The following RYR3 variants were observed in gnomAD, a reference collection of about 807,000 sequenced individuals.
RYR3 encodes the protein brain ryanodine receptor-calcium release channel.
A neutral mutation model predicts 584.3 loss-of-function variants in RYR3; 207 were observed. The ratio of observed to expected loss-of-function variants is 0.35; its 90% confidence interval spans 0.32 to 0.40. The LOEUF is 0.40. RYR3 is among the 10% of genes least tolerant of loss of function. The pLI is 1.00. For missense variants in RYR3, 5,616 were observed against 6,089.2 expected, an observed-to-expected ratio of 0.92 and a Z score of 2.59; for synonymous variants, 2,416 against 2,248.5, an observed-to-expected ratio of 1.07 and a Z score of -2.11.
intron 67 of RYR3, 129 bp downstream of exon 67, chr15:33,788,587 C>G (rs542463523): frequency 2.0e-6 from 2 of 1,009,446 alleles, no homozygotes; most frequent in African/African-American, 3.4e-5. Flanking sequence ...CCCCACCATT[C>G]TCCTTCCCAA....
intron 1 of RYR3, among the ~76,000 whole-genome samples, chr15:33,374,004 C>T (rs1375089626): frequency 2.0e-5 from 3 of 152,092 alleles, no homozygotes; most frequent in African/African-American, 7.2e-5. Context: ...AAATCCCTTC[C>T]TCACAGTGCC....
At chr15:33,374,834 C>T (rs1358027148) in intron 1 of RYR3, among the ~76,000 whole-genome samples, 1 of 152,214 alleles carries the variant, frequency 6.6e-6, no homozygotes, top group Non-Finnish European at 1.5e-5. Flanking sequence ...CTGTATTCAG[C>T]TGCTCCATGG....
chr15:33,708,457 C>T (rs1322210399), intron 43 of RYR3, among the ~76,000 whole-genome samples: 2 of 152,180 alleles, frequency 1.3e-5, no homozygotes, highest in African/African-American at 4.8e-5. Context: ...TAAATTCTAA[C>T]ACTTGCTTTT....
At chr15:33,589,715 G>T (rs2059030134) in intron 16 of RYR3, among the ~76,000 whole-genome samples, 1 of 152,190 alleles carries the variant, frequency 6.6e-6, no homozygotes, top group East Asian at 1.9e-4. Context: ...TTGTTGAAAA[G>T]GGTGTCCTTT....
At chr15:33,842,102 C>T in intron 91 of RYR3, 67 bp downstream of exon 91, 1 of 1,506,964 alleles carries the variant, frequency 6.6e-7, no homozygotes, top group Non-Finnish European at 9.0e-7. Flanking sequence ...CAGAGAGGTG[C>T]CGCTGATTTG....
intron 48 of RYR3, among the ~76,000 whole-genome samples, chr15:33,734,337 A>G (rs1222477171): frequency 6.6e-6 from 1 of 152,236 alleles, no homozygotes; most frequent in African/African-American, 2.4e-5. Context: ...TAAGGTACCT[A>G]GGTTTTGCAC....
intron 69 of RYR3, among the ~76,000 whole-genome samples, chr15:33,802,986 G>T (rs749000783): frequency 6.6e-6 from 1 of 152,178 alleles, no homozygotes; most frequent in Non-Finnish European, 1.5e-5. Context: ...TGGGATGGAG[G>T]TCTCATATAT....
At chr15:33,452,734 T>C (rs1292876333) in intron 1 of RYR3, among the ~76,000 whole-genome samples, 2 of 152,126 alleles carry the variant, frequency 1.3e-5, no homozygotes, top group Non-Finnish European at 2.9e-5. Flanking sequence ...AAAAGTTACA[T>C]GGTGAGGTTC....
intron 1 of RYR3, among the ~76,000 whole-genome samples, chr15:33,411,397 C>A (rs943046612): frequency 1.3e-5 from 2 of 152,170 alleles, no homozygotes; most frequent in African/African-American, 4.8e-5. Context: ...TCTGTCACTG[C>A]AAATATTGAA....
chr15:33,857,683 C>T, intron 98 of RYR3, 97 bp from the exon 99 acceptor site: 1 of 1,490,376 alleles, frequency 6.7e-7, no homozygotes, highest in Non-Finnish European at 9.2e-7. Context: ...CCTTGCCCGT[C>T]CTCACTCTTC....
rs371105087 is a variant in RYR3, at chr15:33,788,462, C to T, written c.9830+4C>T. 1.6e-5 allele frequency: 25 copies of T among 1,612,448 alleles called. 1 individual carries two copies. In the East Asian group the frequency reaches 1.6e-4, roughly 10 times the overall value. ...TCCGCTACGTGGACAACAACAGGTA[C>T]GGAGGAGAGCACTAGGAGCCTGTCT... On this transcript the variant is annotated splice_donor_region_variant and intron_variant, in intron 67 of 103. Coordinates refer to ENST00000634891, the MANE Select transcript of RYR3 (RefSeq NM_001036.6).
chr15:33,850,709 A>G (rs2079043005), intron 94 of RYR3: 1 of 152,190 alleles, frequency 6.6e-6, no homozygotes, highest in Non-Finnish European at 1.5e-5. Context: ...TATAAAATGT[A>G]TATGTACATT....
At chr15:33,333,066 C>CAAAAAAAAAA (rs1195937254) in intron 1 of RYR3, among the ~76,000 whole-genome samples, 4 of 55,730 alleles carry the variant, frequency 7.2e-5, no homozygotes, top group Non-Finnish European at 9.8e-5. Flanking sequence ...GCCTACCAAC[C>CAAAAAAAAAA]AAAAAAAAAA....
At chr15:33,673,749 A>G (rs2063989611) in intron 38 of RYR3, among the ~76,000 whole-genome samples, 1 of 152,252 alleles carries the variant, frequency 6.6e-6, no homozygotes, top group African/African-American at 2.4e-5. Flanking sequence ...AAAATTCGGT[A>G]AATTCTTGAT....
At chr15:33,602,858 A>G (rs1281691508) in intron 17 of RYR3, among the ~76,000 whole-genome samples, 3 of 147,234 alleles carry the variant, frequency 2.0e-5, no homozygotes, top group African/African-American at 5.0e-5. Context: ...CAGTTCTCCA[A>G]CCTCACCCTC....
At chr15:33,374,907 TC>T (rs2040610805) in intron 1 of RYR3, among the ~76,000 whole-genome samples, 1 of 152,208 alleles carries the variant, frequency 6.6e-6, no homozygotes, top group Non-Finnish European at 1.5e-5. Flanking sequence ...GCTCCTTGCT[TC>T]TAAATTTAAA....
chr15:33,733,157 T>C (rs2152824559), intron 48 of RYR3, among the ~76,000 whole-genome samples: 1 of 152,348 alleles, frequency 6.6e-6, no homozygotes, highest in African/African-American at 2.4e-5. Context: ...GGAGTGACAA[T>C]GGTATAGTCA....
intron 44 of RYR3, among the ~76,000 whole-genome samples, chr15:33,723,259 G>A (rs184876646): frequency 2.5e-4 from 38 of 152,256 alleles, no homozygotes; most frequent in Admixed American, 2.0e-3. Context: ...ACGGTGTCTC[G>A]TCCCATACCT....
At chr15:33,318,410 T>C (rs2676083) in intron 1 of RYR3, among the ~76,000 whole-genome samples, 74,931 of 152,112 alleles carry the variant, frequency 0.49, 19,759 homozygotes, top group Middle Eastern at 0.63. Context: ...ATTAAAATGC[T>C]GAAATGCAAA....
Sources: gnomAD v4.1 joint callset for allele counts (sites outside exome capture counted in the v4.1 genomes callset) on GRCh38, gnomAD v4.1.1 for gene constraint, MANE v1.5 for transcripts, NCBI Gene and HGNC (gene_info 2026-07-23, HGNC 2026-07-21) for gene names.